SAP30BP: variants seen among roughly 807,000 people sequenced by gnomAD.
The protein encoded by SAP30BP is SAP30-binding protein.
Under a neutral mutation model 46.3 loss-of-function variants are expected in SAP30BP, and 31 were observed. The observed-to-expected ratio is 0.67, with a 90% CI of 0.50 to 0.90. SAP30BP has a LOEUF of 0.90. SAP30BP is among the 40% of genes least tolerant of loss of function. The probability of loss-of-function intolerance (pLI) is 0.00; values close to 1 mark genes in which losing one functional copy is unlikely to be tolerated. For synonymous variants in SAP30BP, 169 were observed against 144.2 expected, an observed-to-expected ratio of 1.17 and a Z score of -1.23; for missense variants, 312 against 391.0, an observed-to-expected ratio of 0.80 and a Z score of 1.70.
At chr17:75,687,262 T>C (rs777860726) in intron 3 of SAP30BP, among the ~76,000 whole-genome samples, 1 of 152,176 alleles carries the variant, frequency 6.6e-6, no homozygotes, top group African/African-American at 2.4e-5. Flanking sequence ...AATAAATGAA[T>C]TAACTATACA....
Position 75,694,761 on chromosome 17 carries a change from A to G in SAP30BP, c.307+1279A>G, listed in dbSNP as rs1034829545. Among the ~76,000 whole-genome samples, 11 of 152,344 alleles carry G rather than the reference A, an allele frequency of 7.2e-5. No homozygotes were observed. The East Asian group carries it at 2.1e-3, about 29-fold the overall frequency. On this transcript the variant is annotated intron_variant, in intron 4 of 10. Transcript: ENST00000584667. ...TCAGAGAGCAGCCTGTCACGTGCCAACGCAGAGATGCCCTTGCTCTTGCTA... is the reference window on the plus strand; with the variant it reads ...TCAGAGAGCAGCCTGTCACGTGCCAGCGCAGAGATGCCCTTGCTCTTGCTA...
In SAP30BP at chr17:75,703,659, G is replaced by T; in HGVS notation, c.550-149G>T. On this transcript the variant is annotated intron_variant, in intron 7 of 10. Transcript: ENST00000584667. Reference sequence around the variant, plus strand: ...CGTGCTCCCATGTTCTTCAGCACTTGCCAGCCGCCCCTTGGCTAAAGACCA... The same window carrying T: ...CGTGCTCCCATGTTCTTCAGCACTTTCCAGCCGCCCCTTGGCTAAAGACCA... 1 of 753,948 alleles carries T rather than the reference G, an allele frequency of 1.3e-6. No homozygotes were observed. Among genetic ancestry groups the T allele is most frequent in the East Asian group, 2.5e-5 (1 of 40,370 alleles). The allele number at this position is 753,948 out of a possible 1,614,324, so 46.7% of individuals were successfully genotyped here.
intron 2 of SAP30BP, among the ~76,000 whole-genome samples, chr17:75,669,917 AGAGTT>A (rs1402458819): frequency 6.6e-6 from 1 of 152,272 alleles, no homozygotes; most frequent in Non-Finnish European, 1.5e-5. Context: ...TAAGACAGGC[AGAGTT>A]GAGTCTAGAT....
At chr17:75,677,906 GA>G (rs1263221273) in intron 3 of SAP30BP, among the ~76,000 whole-genome samples, 1 of 152,064 alleles carries the variant, frequency 6.6e-6, no homozygotes, top group Non-Finnish European at 1.5e-5. Context: ...TGACTTTGCA[GA>G]CCCCTTAGAA....
Position 75,693,173 on chromosome 17 carries a change from T to G in SAP30BP, c.265-267T>G, listed in dbSNP as rs1016751774. On this transcript the variant is annotated intron_variant, in intron 3 of 10. Coordinates refer to ENST00000584667, the MANE Select transcript of SAP30BP (RefSeq NM_013260.8). Reference sequence around the variant, plus strand: ...GCAGCAGGCTTGCTGGCTTGTGTTCTCCTCAGCGATGGTGGGTTTGGTCAC... The same window carrying G: ...GCAGCAGGCTTGCTGGCTTGTGTTCGCCTCAGCGATGGTGGGTTTGGTCAC... 8 of 433,450 alleles carry G rather than the reference T, an allele frequency of 1.8e-5. No homozygotes were observed. In the Admixed American group the frequency reaches 3.1e-4, roughly 17 times the overall value. The allele number at this position is 433,450 out of a possible 1,614,324, so 26.9% of individuals were successfully genotyped here.
At chr17:75,674,713 T>G (rs1237651923) in intron 3 of SAP30BP, among the ~76,000 whole-genome samples, 9 of 134,038 alleles carry the variant, frequency 6.7e-5, no homozygotes, top group South Asian at 5.2e-4. Context: ...TTTTTTTTTT[T>G]TTTTTTTTTT....
At position 75,706,680 on chromosome 17, in the gene SAP30BP, C is replaced by G. The variant is rs1260264303; in HGVS notation, c.*159C>G. Reference sequence around the variant, plus strand: ...ATTCCAGATGGAAGGACAGGCAGCACGGGAGCCAGGCGCTGTGGACAGGGT... The same window carrying G: ...ATTCCAGATGGAAGGACAGGCAGCAGGGGAGCCAGGCGCTGTGGACAGGGT... On this transcript the variant is annotated 3_prime_UTR_variant, in exon 11 of 11. Transcript: ENST00000584667. The surrounding 1 kb of genome is among the most constrained non-coding windows in gnomAD (Gnocchi z 4.6). 5.7e-5 allele frequency: 39 copies of G among 680,464 alleles called. No individual in the cohort carries two copies. Among genetic ancestry groups the G allele is most frequent in the Non-Finnish European group, 1.7e-5 (7 of 404,414 alleles). 42.2% of individuals were successfully genotyped at this position (680,464 alleles called of 1,614,324 possible).
intron 4 of SAP30BP, among the ~76,000 whole-genome samples, chr17:75,695,435 T>C (rs1439076109): frequency 6.6e-6 from 1 of 152,224 alleles, no homozygotes; most frequent in East Asian, 1.9e-4. Context: ...TCCATGTAGT[T>C]GGGCATGTCC....
chr17:75,699,016 A>AC (rs2060364607), intron 4 of SAP30BP, among the ~76,000 whole-genome samples: 1 of 151,944 alleles, frequency 6.6e-6, no homozygotes, highest in Admixed American at 6.6e-5. Flanking sequence ...ACATAACGAG[A>AC]CCCCATCTTT....
chr17:75,670,498 C>T (rs1037919839), intron 2 of SAP30BP, among the ~76,000 whole-genome samples: 3 of 141,672 alleles, frequency 2.1e-5, no homozygotes, highest in African/African-American at 4.9e-5. Flanking sequence ...TACACACATT[C>T]TGGCTTAATA....
At position 75,671,880 on chromosome 17, in the gene SAP30BP, G is replaced by C. The variant is rs754898094; in HGVS notation, c.264+17G>C. 3 of 1,609,596 alleles carry C rather than the reference G, an allele frequency of 1.9e-6. No individual in the cohort carries two copies. The highest frequency in any genetic ancestry group is 1.3e-5 in the African/African-American group (1 of 74,800). On this transcript the variant is annotated intron_variant, in intron 3 of 10. Transcript: ENST00000584667. ...GACCCAAAGGTATTTGGTGTTGGCTGTGGTGGGTGGCTGGATGCAAACAAG... is the reference window on the plus strand; with the variant it reads ...GACCCAAAGGTATTTGGTGTTGGCTCTGGTGGGTGGCTGGATGCAAACAAG...
At position 75,706,058 on chromosome 17, in the gene SAP30BP, C is replaced by T. The variant is rs1398431794; in HGVS notation, c.711C>T (p.Ser237=). The T allele has an allele frequency of 1.2e-6, 2 of 1,613,426 alleles. No homozygotes were observed. Among genetic ancestry groups the T allele is most frequent in the Non-Finnish European group, 1.7e-6 (2 of 1,179,894 alleles). The change falls in exon 10 of 11, where the codon TCC becomes TCT. Residue 237 remains serine, a synonymous_variant. Transcript: ENST00000584667. The surrounding 1 kb of genome is among the most constrained non-coding windows in gnomAD (Gnocchi z 4.6). ...AAGGCACCACGACCAACGCCACGTC[C>T]ACCACCACTACCACTGCCAGCACAG... ...TKKGTTTNAT[S]TTTTTASTAV... is the part of the protein sequence containing the mutation.
At chr17:75,670,515 ACTCTT>A (rs1426530344) in intron 2 of SAP30BP, among the ~76,000 whole-genome samples, 2 of 113,138 alleles carry the variant, frequency 1.8e-5, no homozygotes, top group Non-Finnish European at 4.7e-5. Context: ...AATATTCATA[ACTCTT>A]TTCTTTAGTA....
chr17:75,682,427 C>A (rs1023519822), intron 3 of SAP30BP, among the ~76,000 whole-genome samples: 4 of 152,088 alleles, frequency 2.6e-5, no homozygotes, highest in African/African-American at 9.7e-5. Context: ...TCAGGTGATA[C>A]ACCTGCCTCG....
intron 4 of SAP30BP, among the ~76,000 whole-genome samples, chr17:75,696,247 G>A (rs1160152408): frequency 3.9e-5 from 6 of 152,104 alleles, no homozygotes; most frequent in Admixed American, 3.9e-4. Context: ...AAGAAATGTG[G>A]GGCTCAGCTG....
rs115944071 is a variant in SAP30BP, at chr17:75,696,422, T to G, written c.307+2940T>G. On this transcript the variant is annotated intron_variant, in intron 4 of 10. Coordinates refer to ENST00000584667, the MANE Select transcript of SAP30BP (RefSeq NM_013260.8). Reference sequence around the variant, plus strand: ...AGCCAGGCATGGTGGTACTTGCCTATAGTCCAAGCTACCCGGGAGGCTGAG... The same window carrying G: ...AGCCAGGCATGGTGGTACTTGCCTAGAGTCCAAGCTACCCGGGAGGCTGAG... Among the ~76,000 whole-genome samples the G allele has an allele frequency of 7.4e-3, 1,121 of 150,864 alleles. 10 individuals are homozygous for G. The highest frequency in any genetic ancestry group is 0.026 in the African/African-American group (1,072 of 41,068).
intron 4 of SAP30BP, among the ~76,000 whole-genome samples, chr17:75,694,154 G>T (rs2060280195): frequency 6.6e-6 from 1 of 152,114 alleles, no homozygotes; most frequent in African/African-American, 2.4e-5. Context: ...CAGCTCTCCT[G>T]TCCGTCCTGC....
At chr17:75,699,585 G>T (rs2148415440) in intron 4 of SAP30BP, among the ~76,000 whole-genome samples, 198 bp from the exon 5 acceptor site, 1 of 151,788 alleles carries the variant, frequency 6.6e-6, no homozygotes, top group Middle Eastern at 3.5e-3. Flanking sequence ...TCCCAAGCTG[G>T]CACATGGCCC....
Position 75,707,992 on chromosome 17 carries a change from C to T in SAP30BP, c.*1471C>T, listed in dbSNP as rs544218590. ...CTCTGAAATCACAGTAATAAAGCGTCGTAAGATGGTTGGGAAGAACCAGAG... is the reference window on the plus strand; with the variant it reads ...CTCTGAAATCACAGTAATAAAGCGTTGTAAGATGGTTGGGAAGAACCAGAG... On this transcript the variant is annotated 3_prime_UTR_variant, in exon 11 of 11. Transcript: ENST00000584667. 2.6e-5 allele frequency: 4 copies of T among 152,274 alleles called. 1 individual carries two copies. Among genetic ancestry groups the T allele is most frequent in the African/African-American group, 7.2e-5 (3 of 41,554 alleles). The allele number at this position is 152,274 out of a possible 1,614,324, so 9.4% of individuals were successfully genotyped here. A position where few individuals can be genotyped will look rare whatever the true frequency, so the allele number is the denominator to read the frequency against.
Sources: allele counts gnomAD v4.1 joint callset (sites outside exome capture counted in the v4.1 genomes callset), GRCh38; gene constraint gnomAD v4.1.1; non-coding constraint Gnocchi (gnomAD v3.1); transcripts MANE v1.5; gene names NCBI Gene and HGNC (gene_info 2026-07-23, HGNC 2026-07-21).